Variants in CEP192 observed in about 807,000 individuals in gnomAD.
CEP192 encodes the protein centrosomal protein 192, also known as centrosomal protein of 192 kDa.
Under a neutral mutation model 271.8 loss-of-function variants are expected in CEP192, and 151 were observed. The observed-to-expected ratio is 0.56, with a 90% CI of 0.49 to 0.64. The LOEUF is 0.64. CEP192 is among the 30% of genes least tolerant of loss of function. CEP192 has a pLI of 0.00. For missense variants in CEP192, 2,910 were observed against 3,020.5 expected, an observed-to-expected ratio of 0.96 and a Z score of 0.86; for synonymous variants, 995 against 1,076.5, an observed-to-expected ratio of 0.92 and a Z score of 1.48.
chr18:13,011,884 A>G (rs985912208), intron 4 of CEP192, among the ~76,000 whole-genome samples: 1 of 152,258 alleles, frequency 6.6e-6, no homozygotes, highest in African/African-American at 2.4e-5. Context: ...ACAGCCAAAA[A>G]GTGGAAGCAA....
intron 1 of CEP192, among the ~76,000 whole-genome samples, chr18:12,995,551 G>T (rs1186500192): frequency 2.6e-5 from 4 of 152,178 alleles, no homozygotes; most frequent in Non-Finnish European, 5.9e-5. Context: ...TGAGCGTCTC[G>T]TGCCAGCACT....
chr18:13,073,266 A>T, intron 30 of CEP192, 81 bp downstream of exon 30: 3 of 1,201,130 alleles, frequency 2.5e-6, no homozygotes, highest in Non-Finnish European at 3.5e-6. Flanking sequence ...TAAATTATAC[A>T]GTCTGCCTTT....
intron 34 of CEP192, among the ~76,000 whole-genome samples, chr18:13,093,547 G>A (rs1312506263): frequency 6.6e-6 from 1 of 152,168 alleles, no homozygotes; most frequent in Non-Finnish European, 1.5e-5. Flanking sequence ...AGTAATTTTA[G>A]GTGAAGCCTG....
chr18:13,041,225 A>G (rs2036184431), intron 14 of CEP192, among the ~76,000 whole-genome samples: 1 of 152,222 alleles, frequency 6.6e-6, no homozygotes, highest in Non-Finnish European at 1.5e-5. Flanking sequence ...TGGCTATTGA[A>G]TTATTGAGTT....
At chr18:12,995,356 G>A (rs2033161851) in intron 1 of CEP192, among the ~76,000 whole-genome samples, 1 of 152,086 alleles carries the variant, frequency 6.6e-6, no homozygotes, top group Non-Finnish European at 1.5e-5. Context: ...GAGCCACCAC[G>A]CCCGGCCTCA....
chr18:13,076,510 C>T (rs576696489), intron 30 of CEP192, among the ~76,000 whole-genome samples: 17 of 152,264 alleles, frequency 1.1e-4, no homozygotes, highest in African/African-American at 3.9e-4. Flanking sequence ...GCCACGCACC[C>T]GGCCAATCAT....
rs998279151 is a variant in CEP192, at chr18:13,019,134, A to G, written c.978A>G (p.Pro326=). ...DSRRYTDGML[P]FSSGTWGTEK... The stretch of plus-strand genomic sequence containing the variant: ...GAAGGTACACAGATGGTATGTTACC[A>G]TTTTCCTCTGGTACTTGGGGAACTG... Residue 326 remains proline (P), a synonymous_variant, in exon 9 of 45, where the codon CCA becomes CCG. Coordinates refer to ENST00000506447, the MANE Select transcript of CEP192 (RefSeq NM_032142.4). 4 of 1,545,738 alleles carry G rather than the reference A, an allele frequency of 2.6e-6. No individual in the cohort carries two copies. The highest frequency in any genetic ancestry group is 2.6e-6 in the Non-Finnish European group (3 of 1,144,440).
At chr18:13,000,751 T>G (rs918662463) in intron 2 of CEP192, among the ~76,000 whole-genome samples, 2 of 152,222 alleles carry the variant, frequency 1.3e-5, no homozygotes, top group Non-Finnish European at 2.9e-5. Flanking sequence ...GTTCAGGAGT[T>G]CGAGACCAGC....
chr18:13,100,511 A>G lies in CEP192; in HGVS notation c.6870A>G (p.Ser2290=). 6.2e-7 allele frequency: 1 copy of G among 1,604,044 alleles called. No homozygotes were observed. The highest frequency in any genetic ancestry group is 8.5e-7 in the Non-Finnish European group (1 of 1,171,770). The change falls in exon 38 of 45, where the codon TCA becomes TCG. Residue 2290 remains serine (S), a splice_region_variant and synonymous_variant. Coordinates refer to ENST00000506447, the MANE Select transcript of CEP192 (RefSeq NM_032142.4). ...TFPTTEPGET[S]ESCLELENHG... ...CTACAACAGAACCTGGTGAAACTTC[A>G]GGTATTGTATCACAAAATTATGTAA...
At chr18:13,056,779 T>C (rs2037129269) in intron 19 of CEP192, 81 bp downstream of exon 19, 6 of 1,168,464 alleles carry the variant, frequency 5.1e-6, no homozygotes, top group Non-Finnish European at 7.3e-6. Context: ...TTCAAGGAGT[T>C]ACTGGTTAGC....
chr18:13,072,719 A>G, intron 28 of CEP192, 36 bp from the exon 29 acceptor site: 1 of 1,376,330 alleles, frequency 7.3e-7, no homozygotes, highest in Non-Finnish European at 1.0e-6. Context: ...ATATCCATGG[A>G]GAAAAACCAT....
chr18:13,102,473 A>G (rs374965749), intron 38 of CEP192, among the ~76,000 whole-genome samples: 2,071 of 151,324 alleles, frequency 0.014, 51 homozygotes, highest in African/African-American at 0.045. Flanking sequence ...CCTTGTGGCT[A>G]CCCCTGTCTC....
intron 38 of CEP192, among the ~76,000 whole-genome samples, chr18:13,102,123 C>CA (rs2039736040): frequency 1.3e-5 from 2 of 152,144 alleles, no homozygotes; most frequent in African/African-American, 2.4e-5. Context: ...GTGTGTCCTG[C>CA]AGCTCCTGCC....
chr18:13,099,516 T>A lies in CEP192; in HGVS notation c.6598T>A (p.Ser2200Thr), dbSNP rs1334256444. The A allele has an allele frequency of 1.7e-5, 27 of 1,602,128 alleles. No homozygotes were observed. The highest frequency in any genetic ancestry group is 2.2e-5 in the Non-Finnish European group (26 of 1,174,198). Residue 2200 changes from serine to threonine, a missense_variant, in exon 37 of 45, where the codon TCC (serine) becomes ACC (threonine). Ser to Thr is a moderately conservative substitution (Grantham distance 58, BLOSUM62 1). Coordinates refer to ENST00000506447, the MANE Select transcript of CEP192 (RefSeq NM_032142.4). ...QILVSPNSSL[S>T]TKQSMFPWSG... ...TCTTGTGAGTCCTAATTCCTCCTTA[T>A]CCACAAAACAGTCAATGTTCCCGTG...
intron 30 of CEP192, among the ~76,000 whole-genome samples, chr18:13,074,137 T>A (rs2038151711): frequency 6.6e-6 from 1 of 151,906 alleles, no homozygotes; most frequent in African/African-American, 2.4e-5. Flanking sequence ...GGCTCAAATT[T>A]TTGTTCTATA....
chr18:13,031,107 G>A (rs2143566833), intron 11 of CEP192, among the ~76,000 whole-genome samples: 1 of 152,230 alleles, frequency 6.6e-6, no homozygotes, highest in Non-Finnish European at 1.5e-5. Flanking sequence ...ACTGGTTTAG[G>A]TCTACACAAT....
rs1290794235 is a variant in CEP192 at position 13,067,845 on chromosome 18, G to GA, written c.4506dup (p.Asp1503ArgfsTer4). On this transcript the variant is annotated frameshift_variant, in exon 22 of 45. Transcript: ENST00000506447. LOFTEE classifies it high-confidence loss of function. ...TTGATAATTAGGTAGAAACAGAAAAGAAAGACGTTCTTGATTTTGGTGACT... is the reference window on the plus strand; with the variant it reads ...TTGATAATTAGGTAGAAACAGAAAAGAAAAGACGTTCTTGATTTTGGTGACT... 1 of 1,610,246 alleles carries GA rather than the reference G, an allele frequency of 6.2e-7. No individual in the cohort carries two copies. Among genetic ancestry groups the GA allele is most frequent in the Non-Finnish European group, 8.5e-7 (1 of 1,177,376 alleles).
At chr18:13,041,897 G>T (rs2036229471) in intron 14 of CEP192, among the ~76,000 whole-genome samples, 1 of 152,242 alleles carries the variant, frequency 6.6e-6, no homozygotes, top group Non-Finnish European at 1.5e-5. Flanking sequence ...TCAACTTATT[G>T]TATGTTTGTG....
intron 36 of CEP192, among the ~76,000 whole-genome samples, chr18:13,097,528 G>A (rs770705751): frequency 6.0e-5 from 9 of 151,212 alleles, no homozygotes; most frequent in Non-Finnish European, 7.4e-5. Flanking sequence ...TTATTCTCAC[G>A]TGGCTCAGAG....
Sources: allele counts gnomAD v4.1 joint callset (sites outside exome capture counted in the v4.1 genomes callset), GRCh38; gene constraint gnomAD v4.1.1; transcripts MANE v1.5; gene names NCBI Gene and HGNC (gene_info 2026-07-23, HGNC 2026-07-21).